Variants in ZNF787 observed in about 807,000 individuals in gnomAD.
The protein encoded by ZNF787 is zinc finger protein 787.
In ZNF787, 7 loss-of-function variants were observed where a neutral mutation model predicts 16.9. That is an observed-to-expected ratio of 0.42 (90% CI 0.24 to 0.78). The LOEUF (loss-of-function observed/expected upper bound fraction) is 0.78, where lower values mean the gene tolerates loss of function less well. Among genes scored for constraint, ZNF787 ranks in the 30% least tolerant of loss-of-function variants. ZNF787 has a pLI of 0.30. For synonymous variants in ZNF787, 345 were observed against 270.9 expected, an observed-to-expected ratio of 1.27 and a Z score of -2.69; for missense variants, 551 against 589.3, an observed-to-expected ratio of 0.94 and a Z score of 0.67.
rs905833216 is a variant in ZNF787, at chr19:56,103,280, A to AC, written c.-10-54dup. On this transcript the variant is annotated intron_variant, in intron 1 of 2. Coordinates refer to ENST00000610935, the MANE Select transcript of ZNF787 (RefSeq NM_001002836.4). ...CAGAGTTTATGGGGTGCCAGGCTGC[A>AC]CCGAGGGCCCTGCAGGGAGGCAGCC... 46 of 1,477,208 alleles carry AC rather than the reference A, an allele frequency of 3.1e-5. No individual in the cohort carries two copies. In the African/African-American group the frequency reaches 5.5e-4, roughly 18 times the overall value. The allele number at this position is 1,477,208 out of a possible 1,614,324, so 91.5% of individuals were successfully genotyped here. A position where few individuals can be genotyped will look rare whatever the true frequency, so the allele number is the denominator to read the frequency against.
chr19:56,098,252 C>T (rs1202491488), intron 2 of ZNF787, among the ~76,000 whole-genome samples: 1 of 152,210 alleles, frequency 6.6e-6, no homozygotes, highest in Non-Finnish European at 1.5e-5. Flanking sequence ...AACTCCTTTC[C>T]TCTTCACAAG....
chr19:56,115,354 C>CTTTTTTTT (rs543989293), intron 1 of ZNF787, among the ~76,000 whole-genome samples: 1 of 113,184 alleles, frequency 8.8e-6, no homozygotes, highest in South Asian at 2.8e-4. Flanking sequence ...GATTTCGCTG[C>CTTTTTTTT]TTTTTTTTTT....
chr19:56,094,354 A>AC (rs1985787983), intron 2 of ZNF787, among the ~76,000 whole-genome samples: 13 of 150,626 alleles, frequency 8.6e-5, no homozygotes, highest in Admixed American at 7.9e-4. Flanking sequence ...GTGTGCTCTT[A>AC]GTAGAGACAG....
intron 1 of ZNF787, among the ~76,000 whole-genome samples, chr19:56,109,494 G>A (rs1490802902): frequency 1.3e-5 from 2 of 152,208 alleles, no homozygotes; most frequent in Non-Finnish European, 2.9e-5. Context: ...GCCTCCCCAA[G>A]GATTTTAGTT....
At position 56,088,014 on chromosome 19, in the gene ZNF787, G is replaced by A. The variant is rs778239930; in HGVS notation, c.*9C>T. ...GGGCCCTGCCCGCCCCCCCCCCCGG[G>A]CCCCTCCCCTACCGGCCCTCCCCAC... On this transcript the variant is annotated 3_prime_UTR_variant, in exon 3 of 3. Transcript: ENST00000610935. This position sits in a 1 kb window ranked among gnomAD's most constrained non-coding sequence, Gnocchi z 8.6. 4.5e-5 allele frequency: 45 copies of A among 1,001,926 alleles called. No homozygotes were observed. The Admixed American group carries it at 1.5e-3, about 34-fold the overall frequency. 62.1% of individuals were successfully genotyped at this position (1,001,926 alleles called of 1,614,324 possible). A position where few individuals can be genotyped will look rare whatever the true frequency, so the allele number is the denominator to read the frequency against.
intron 1 of ZNF787, among the ~76,000 whole-genome samples, chr19:56,109,702 A>G (rs775076111): frequency 5.9e-5 from 9 of 152,126 alleles, no homozygotes; most frequent in African/African-American, 1.7e-4. Flanking sequence ...TGGCTAACAC[A>G]GTGAAACCCC....
At chr19:56,117,696 G>A (rs879563849) in intron 1 of ZNF787, among the ~76,000 whole-genome samples, 21 of 152,326 alleles carry the variant, frequency 1.4e-4, no homozygotes, top group South Asian at 6.2e-4. Context: ...GTCTTACTCC[G>A]TGTCTTATTC....
rs1555777941 is a variant in ZNF787, at chr19:56,114,423, G to GTATC, written c.-11+6748_-11+6749insGATA. ...CCTCCACCTGCCCTGGCCAGGCCTG[G>GTATC]TCTCTCTGAGGGGCCGGGCTCAGTC... is the stretch of plus-strand genomic sequence containing the variant. On this transcript the variant is annotated intron_variant, in intron 1 of 2. Coordinates refer to ENST00000610935, the MANE Select transcript of ZNF787 (RefSeq NM_001002836.4). Among the ~76,000 whole-genome samples the GTATC allele has an allele frequency of 1.9e-3, 200 of 106,074 alleles. 23 individuals carry two copies. Among genetic ancestry groups the GTATC allele is most frequent in the African/African-American group, 8.6e-3 (193 of 22,560 alleles). The allele number at this position is 106,074 out of a possible 152,430, so 69.6% of individuals were successfully genotyped here. A position where few individuals can be genotyped will look rare whatever the true frequency, so the allele number is the denominator to read the frequency against.
chr19:56,110,871 C>T (rs947113947), intron 1 of ZNF787, among the ~76,000 whole-genome samples: 3 of 152,172 alleles, frequency 2.0e-5, no homozygotes, highest in African/African-American at 7.2e-5. Context: ...AGGGATCTGC[C>T]GCGAGCCAGG....
chr19:56,102,650 G>GA, intron 2 of ZNF787: 2 of 485,872 alleles, frequency 4.1e-6, no homozygotes, highest in Non-Finnish European at 7.3e-6. Flanking sequence ...GTCTGCGTCA[G>GA]CCTGCGGGTT....
At chr19:56,109,779 G>A (rs2029925523) in intron 1 of ZNF787, among the ~76,000 whole-genome samples, 2 of 152,200 alleles carry the variant, frequency 1.3e-5, no homozygotes, top group South Asian at 2.1e-4. Context: ...AGCTACTCGG[G>A]AGGCTGAGGC....
chr19:56,109,009 G>C (rs1033327280), intron 1 of ZNF787, among the ~76,000 whole-genome samples: 1 of 151,760 alleles, frequency 6.6e-6, no homozygotes, highest in Non-Finnish European at 1.5e-5. Context: ...AGAGACCCAC[G>C]CCGGGGAGGT....
Position 56,088,287 on chromosome 19 carries a change from G to A in ZNF787, c.885C>T (p.Leu295=), listed in dbSNP as rs777358928. 166 of 1,383,548 alleles carry A rather than the reference G, an allele frequency of 1.2e-4. No individual in the cohort carries two copies. The East Asian group carries it at 2.2e-3, about 18-fold the overall frequency. 85.7% of individuals were successfully genotyped at this position (1,383,548 alleles called of 1,614,324 possible). A position where few individuals can be genotyped will look rare whatever the true frequency, so the allele number is the denominator to read the frequency against. The change falls in exon 3 of 3, where the codon CTC becomes CTT. Residue 295 remains leucine (L), a synonymous_variant. Transcript: ENST00000610935. The surrounding 1 kb of genome is among the most constrained non-coding windows in gnomAD (Gnocchi z 8.6). ...CGKGFGHGAG[L]LAHQRAQHGD... is the part of the protein sequence containing the mutation. Reference sequence around the variant, plus strand: ...CGTGCTGGGCCCGCTGGTGCGCCAGGAGCCCGGCCCCGTGCCCGAAGCCCT... The same window carrying A: ...CGTGCTGGGCCCGCTGGTGCGCCAGAAGCCCGGCCCCGTGCCCGAAGCCCT...
chr19:56,105,752 C>T (rs1320383193), intron 1 of ZNF787, among the ~76,000 whole-genome samples: 1 of 152,178 alleles, frequency 6.6e-6, no homozygotes, highest in African/African-American at 2.4e-5. Flanking sequence ...GATCCCCTCA[C>T]CACAACATTC....
chr19:56,118,116 C>T (rs1656133845), intron 1 of ZNF787, among the ~76,000 whole-genome samples: 3 of 152,232 alleles, frequency 2.0e-5, no homozygotes, highest in Non-Finnish European at 4.4e-5. Flanking sequence ...GGTTTCTCTG[C>T]AGCTGTAAGG....
chr19:56,088,383 CCCCGCG>C lies in ZNF787; in HGVS notation c.783_788del (p.Gly263_Ala264del). The C allele has an allele frequency of 9.1e-7, 1 of 1,104,394 alleles. No individual in the cohort carries two copies. Among genetic ancestry groups the C allele is most frequent in the Non-Finnish European group, 1.1e-6 (1 of 906,864 alleles). The allele number at this position is 1,104,394 out of a possible 1,614,324, so 68.4% of individuals were successfully genotyped here. A position where few individuals can be genotyped will look rare whatever the true frequency, so the allele number is the denominator to read the frequency against. ...GCGACCGGGGCCCCGCGGCCTTTGC[CCCCGCG>C]CCCGCCATGGCTGCCGCGGCCGCGG... On this transcript the variant is annotated inframe_deletion, in exon 3 of 3. Transcript: ENST00000610935. The surrounding 1 kb of genome is among the most constrained non-coding windows in gnomAD (Gnocchi z 8.6).
chr19:56,098,371 C>G (rs1985948929), intron 2 of ZNF787, among the ~76,000 whole-genome samples: 1 of 152,252 alleles, frequency 6.6e-6, no homozygotes, highest in African/African-American at 2.4e-5. Flanking sequence ...CTCTCACACT[C>G]CTCAGAAGGA....
Position 56,087,959 on chromosome 19 carries a change from T to G in ZNF787, c.*64A>C, listed in dbSNP as rs956703174. On this transcript the variant is annotated 3_prime_UTR_variant, in exon 3 of 3. Transcript: ENST00000610935. The stretch of plus-strand genomic sequence containing the variant: ...CCGCTTCTCCCTGGGTCTCTTGGTC[T>G]TGCACGTCGTCGCTCCCGCCAAGCC... 2 of 1,297,650 alleles carry G rather than the reference T, an allele frequency of 1.5e-6. No individual in the cohort carries two copies. Among genetic ancestry groups the G allele is most frequent in the Non-Finnish European group, 2.0e-6 (2 of 1,025,176 alleles). 80.4% of individuals were successfully genotyped at this position (1,297,650 alleles called of 1,614,324 possible). A position where few individuals can be genotyped will look rare whatever the true frequency, so the allele number is the denominator to read the frequency against.
At chr19:56,103,262 T>G (rs1986175840) in intron 1 of ZNF787, 35 bp from the exon 2 acceptor site, 2 of 1,512,336 alleles carry the variant, frequency 1.3e-6, no homozygotes, top group African/African-American at 1.4e-5. Flanking sequence ...GGACAGAGTT[T>G]ATGGGGTGCC....
Sources: gnomAD v4.1 joint callset for allele counts (sites outside exome capture counted in the v4.1 genomes callset) on GRCh38, gnomAD v4.1.1 for gene constraint, Gnocchi (gnomAD v3.1) non-coding constraint, MANE v1.5 for transcripts, NCBI Gene and HGNC (gene_info 2026-07-23, HGNC 2026-07-21) for gene names.